Variants in SLC8A1 observed in about 807,000 individuals in gnomAD.
SLC8A1 encodes solute carrier family 8 member A1.
Under a neutral mutation model 68.3 loss-of-function variants are expected in SLC8A1, and 18 were observed. That is an observed-to-expected ratio of 0.26 (90% CI 0.18 to 0.39). The LOEUF is 0.39. SLC8A1 is among the 10% of genes least tolerant of loss of function. The pLI is 1.00. For synonymous variants in SLC8A1, 475 were observed against 415.5 expected, an observed-to-expected ratio of 1.14 and a Z score of -1.74; for missense variants, 985 against 1,156.7, an observed-to-expected ratio of 0.85 and a Z score of 2.15.
chr2:40,375,116 G>A (rs1679396345), intron 2 of SLC8A1, among the ~76,000 whole-genome samples: 3 of 152,162 alleles, frequency 2.0e-5, no homozygotes, highest in South Asian at 2.1e-4. Flanking sequence ...AGTTGATGCT[G>A]TGTTTGCAGC....
intron 6 of SLC8A1, among the ~76,000 whole-genome samples, chr2:40,145,909 T>C (rs557121018): frequency 2.0e-5 from 3 of 152,376 alleles, no homozygotes; most frequent in East Asian, 1.9e-4. Flanking sequence ...CCACTCTTAA[T>C]GGCCTCTGCC....
At chr2:40,324,353 T>C (rs966405008) in intron 2 of SLC8A1, among the ~76,000 whole-genome samples, 31 of 152,078 alleles carry the variant, frequency 2.0e-4, no homozygotes, top group Non-Finnish European at 2.1e-4. Flanking sequence ...AACAGACAAC[T>C]ATAAAATGGG....
chr2:40,479,879 C>G (rs1375477600), intron 1 of SLC8A1, among the ~76,000 whole-genome samples: 1 of 152,160 alleles, frequency 6.6e-6, no homozygotes, highest in Non-Finnish European at 1.5e-5. Flanking sequence ...GTGCAGTTGC[C>G]TACCCTCAGC....
At chr2:40,382,829 T>C (rs550724836) in intron 2 of SLC8A1, among the ~76,000 whole-genome samples, 2 of 152,246 alleles carry the variant, frequency 1.3e-5, no homozygotes, top group East Asian at 3.9e-4. Context: ...TATTTTAAAA[T>C]TATTTAAAAT....
chr2:40,203,143 T>A (rs756923861), intron 2 of SLC8A1, among the ~76,000 whole-genome samples: 3 of 151,986 alleles, frequency 2.0e-5, no homozygotes, highest in African/African-American at 7.2e-5. Context: ...AACTGGCTAA[T>A]GCTAGTGCTG....
chr2:40,333,267 T>A (rs1411798184), intron 2 of SLC8A1, among the ~76,000 whole-genome samples: 1 of 151,874 alleles, frequency 6.6e-6, no homozygotes, highest in Non-Finnish European at 1.5e-5. Context: ...TGAAACTTCG[T>A]CTCTACTAAA....
chr2:40,389,864 A>C (rs990978358), intron 2 of SLC8A1, among the ~76,000 whole-genome samples: 1 of 150,558 alleles, frequency 6.6e-6, no homozygotes, highest in East Asian at 1.9e-4. Flanking sequence ...AAAGAAAATC[A>C]ATGTTATAAT....
intron 6 of SLC8A1, among the ~76,000 whole-genome samples, chr2:40,158,295 G>A (rs2044981109): frequency 6.6e-6 from 1 of 152,148 alleles, no homozygotes; most frequent in Non-Finnish European, 1.5e-5. Context: ...TCTTTAGACA[G>A]TTAAATTTAA....
chr2:40,411,492 T>A (rs2149701206), intron 2 of SLC8A1, among the ~76,000 whole-genome samples: 1 of 152,150 alleles, frequency 6.6e-6, no homozygotes, highest in South Asian at 2.1e-4. Context: ...TTTGAGAATT[T>A]AGCCTAAAGA....
intron 6 of SLC8A1, among the ~76,000 whole-genome samples, chr2:40,143,108 C>A (rs1350190017): frequency 1.3e-5 from 2 of 152,160 alleles, no homozygotes; most frequent in Non-Finnish European, 2.9e-5. Flanking sequence ...GCCTCCCATC[C>A]TTTTCTCTGG....
chr2:40,175,180 C>CACAGAGCTTTTATTTCTGTAT, intron 3 of SLC8A1, 81 bp downstream of exon 4: 3 of 1,376,202 alleles, frequency 2.2e-6, no homozygotes, highest in Non-Finnish European at 3.1e-6. Flanking sequence ...AAATAAAAGT[C>CACAGAGCTTTTATTTCTGTAT]ACAGAGCTAC....
intron 2 of SLC8A1, among the ~76,000 whole-genome samples, chr2:40,396,359 T>C (rs1576075673): frequency 6.6e-6 from 1 of 152,114 alleles, no homozygotes; most frequent in Admixed American, 6.6e-5. Flanking sequence ...ATCTCTACGG[T>C]TACATGAATC....
intron 2 of SLC8A1, among the ~76,000 whole-genome samples, chr2:40,397,256 T>C (rs959042796): frequency 2.6e-5 from 4 of 152,230 alleles, no homozygotes; most frequent in African/African-American, 9.6e-5. Flanking sequence ...AGTGTATACA[T>C]GTCATGAGCT....
intron 2 of SLC8A1, among the ~76,000 whole-genome samples, chr2:40,259,483 T>C (rs1470803261): frequency 1.3e-5 from 2 of 152,176 alleles, no homozygotes; most frequent in African/African-American, 4.8e-5. Flanking sequence ...ACAATCTTTT[T>C]TCTTTTTTAA....
intron 2 of SLC8A1, among the ~76,000 whole-genome samples, chr2:40,361,151 C>T (rs1457702719): frequency 6.6e-6 from 1 of 152,072 alleles, no homozygotes; most frequent in Non-Finnish European, 1.5e-5. Context: ...CGGGTGTTAA[C>T]AGTGAATTCA....
chr2:40,200,205 T>C (rs1178090421), intron 2 of SLC8A1, among the ~76,000 whole-genome samples: 1 of 28,960 alleles, frequency 3.5e-5, no homozygotes, highest in Admixed American at 4.6e-4. Context: ...TATATATATA[T>C]AAATATATAT....
At chr2:40,470,213 C>G (rs1297390357) in intron 1 of SLC8A1, among the ~76,000 whole-genome samples, 1 of 152,062 alleles carries the variant, frequency 6.6e-6, no homozygotes, top group Non-Finnish European at 1.5e-5. Flanking sequence ...AATTAAAGCT[C>G]TACACTTTGG....
intron 2 of SLC8A1, among the ~76,000 whole-genome samples, chr2:40,338,377 C>T (rs1666685736): frequency 6.6e-6 from 1 of 152,090 alleles, no homozygotes; most frequent in Non-Finnish European, 1.5e-5. Flanking sequence ...ATGTGTATGA[C>T]TGTGTGTGTA....
intron 2 of SLC8A1, among the ~76,000 whole-genome samples, chr2:40,328,350 G>A (rs1051009739): frequency 2.9e-4 from 44 of 152,056 alleles, no homozygotes; most frequent in African/African-American, 1.0e-3. Flanking sequence ...TCCATTTGAT[G>A]TGATACTGTG....
Sources: gnomAD v4.1 joint callset for allele counts (sites outside exome capture counted in the v4.1 genomes callset) on GRCh38, gnomAD v4.1.1 for gene constraint, MANE v1.5 for transcripts, NCBI Gene and HGNC (gene_info 2026-07-23, HGNC 2026-07-21) for gene names.